Variants in PARVA observed in about 807,000 individuals in gnomAD.
The protein encoded by PARVA is parvin alpha, also known as alpha-parvin.
Under a neutral mutation model 52.6 loss-of-function variants are expected in PARVA, and 25 were observed. The ratio of observed to expected loss-of-function variants is 0.48; its 90% confidence interval spans 0.35 to 0.66. The LOEUF is 0.66. PARVA is among the 30% of genes least tolerant of loss of function. The pLI, the probability that PARVA is intolerant of heterozygous loss-of-function variation, is 0.01. For synonymous variants in PARVA, 185 were observed against 179.1 expected, an observed-to-expected ratio of 1.03 and a Z score of -0.26; for missense variants, 373 against 450.9, an observed-to-expected ratio of 0.83 and a Z score of 1.56.
At chr11:12,497,849 A>T (rs185371503) in intron 5 of PARVA, among the ~76,000 whole-genome samples, 2 of 152,170 alleles carry the variant, frequency 1.3e-5, no homozygotes. Flanking sequence ...AATCCACAAT[A>T]GTCATAAACA....
intron 1 of PARVA, among the ~76,000 whole-genome samples, chr11:12,381,825 A>G (rs10219317): frequency 4.6e-5 from 7 of 152,330 alleles, no homozygotes; most frequent in African/African-American, 1.2e-4. Flanking sequence ...CCACAGCTGC[A>G]CACCTCAACC....
chr11:12,384,672 T>C (rs1411231907), intron 1 of PARVA, among the ~76,000 whole-genome samples: 2 of 152,220 alleles, frequency 1.3e-5, no homozygotes, highest in Non-Finnish European at 2.9e-5. Flanking sequence ...TATGTATATC[T>C]TGGAAAATAA....
chr11:12,429,197 T>C (rs1441468340), intron 1 of PARVA, among the ~76,000 whole-genome samples: 1 of 152,134 alleles, frequency 6.6e-6, no homozygotes, highest in Non-Finnish European at 1.5e-5. Flanking sequence ...CCCAGACTGG[T>C]CTTGAACTCC....
intron 12 of PARVA, among the ~76,000 whole-genome samples, chr11:12,523,153 G>A (rs1941659586): frequency 6.6e-6 from 1 of 152,086 alleles, no homozygotes; most frequent in East Asian, 1.9e-4. Context: ...AAAGCAAATG[G>A]CAAACTCACC....
chr11:12,386,025 C>T (rs577403716), intron 1 of PARVA, among the ~76,000 whole-genome samples: 3 of 152,266 alleles, frequency 2.0e-5, no homozygotes, highest in South Asian at 2.1e-4. Context: ...CTGGATTGTT[C>T]GTTCATTTTC....
intron 10 of PARVA, among the ~76,000 whole-genome samples, chr11:12,517,075 C>A (rs1309437817): frequency 6.6e-6 from 1 of 152,056 alleles, no homozygotes; most frequent in Non-Finnish European, 1.5e-5. Flanking sequence ...TTGGACATCA[C>A]CTCCCCCTCC....
At chr11:12,508,118 A>C (rs1233638603) in intron 6 of PARVA, among the ~76,000 whole-genome samples, 5 of 124,780 alleles carry the variant, frequency 4.0e-5, no homozygotes, top group African/African-American at 1.1e-4. Context: ...AAAAAAAAAA[A>C]AAAACCAAAA....
chr11:12,518,952 G>A (rs1564869729), intron 12 of PARVA, among the ~76,000 whole-genome samples: 1 of 152,198 alleles, frequency 6.6e-6, no homozygotes, highest in Non-Finnish European at 1.5e-5. Flanking sequence ...TCTGTCTGAG[G>A]ACAGGCCATG....
At chr11:12,447,030 A>C (rs1194007861) in intron 1 of PARVA, among the ~76,000 whole-genome samples, 1 of 152,172 alleles carries the variant, frequency 6.6e-6, no homozygotes, top group Non-Finnish European at 1.5e-5. Flanking sequence ...TCTATGTCCT[A>C]AATGTGACTG....
At chr11:12,521,773 C>T (rs533475767) in intron 12 of PARVA, among the ~76,000 whole-genome samples, 1 of 152,238 alleles carries the variant, frequency 6.6e-6, no homozygotes, top group African/African-American at 2.4e-5. Context: ...CTCACCCAAC[C>T]ATTGCTGGCT....
chr11:12,410,835 C>T (rs563180616), intron 1 of PARVA, among the ~76,000 whole-genome samples: 28 of 152,174 alleles, frequency 1.8e-4, no homozygotes, highest in Admixed American at 1.4e-3. Flanking sequence ...AATAAAGTAT[C>T]GCATGGAATG....
intron 1 of PARVA, among the ~76,000 whole-genome samples, chr11:12,473,126 C>T (rs1346338627): frequency 6.6e-6 from 1 of 152,066 alleles, no homozygotes; most frequent in Non-Finnish European, 1.5e-5. Context: ...AGTGCCTGGC[C>T]CCAGGTCCCA....
intron 1 of PARVA, among the ~76,000 whole-genome samples, chr11:12,450,079 A>G (rs1267612189): frequency 6.6e-6 from 1 of 152,228 alleles, no homozygotes; most frequent in African/African-American, 2.4e-5. Context: ...ACTGATCATT[A>G]TGGGAAAATT....
chr11:12,518,420 A>G (rs745683650), intron 11 of PARVA, 25 bp from the exon 12 acceptor site: 98 of 1,592,418 alleles, frequency 6.2e-5, no homozygotes, highest in Non-Finnish European at 8.1e-5. Flanking sequence ...GCAATGGTAC[A>G]TGCTGTCTGC....
chr11:12,495,253 G>A (rs1941285277), intron 4 of PARVA, among the ~76,000 whole-genome samples: 1 of 152,156 alleles, frequency 6.6e-6, no homozygotes. Context: ...GTCCTACTGA[G>A]GTGCTTAAAA....
intron 12 of PARVA, among the ~76,000 whole-genome samples, chr11:12,523,822 A>T (rs10500758): frequency 6.6e-6 from 1 of 152,200 alleles, no homozygotes; most frequent in Non-Finnish European, 1.5e-5. Flanking sequence ...TGAGTTGCTA[A>T]TCACACAATT....
intron 1 of PARVA, among the ~76,000 whole-genome samples, chr11:12,390,914 T>C (rs1414232328): frequency 2.6e-5 from 4 of 152,006 alleles, no homozygotes; most frequent in Non-Finnish European, 5.9e-5. Context: ...GCTCTCAGGA[T>C]ACAGGCAAGT....
chr11:12,534,703 T>G lies in PARVA; in HGVS notation c.*6778T>G, dbSNP rs1367284675. Among the ~76,000 whole-genome samples the G allele has an allele frequency of 6.6e-6, 1 of 152,234 alleles. No homozygotes were observed. The highest frequency in any genetic ancestry group is 2.4e-5 in the African/African-American group (1 of 41,464). The stretch of plus-strand genomic sequence containing the variant: ...CAGGACAATAGATAAATATTTAATC[T>G]GTTACATGTTTGCTCTGTGTGGAGC... On this transcript the variant is annotated 3_prime_UTR_variant, in exon 13 of 13. Transcript: ENST00000334956.
At chr11:12,431,099 A>G (rs945328949) in intron 1 of PARVA, among the ~76,000 whole-genome samples, 20 of 152,176 alleles carry the variant, frequency 1.3e-4, no homozygotes, top group Non-Finnish European at 2.6e-4. Context: ...CCCTGCTCCC[A>G]GGGCTGACTC....
Sources: gnomAD v4.1 joint callset for allele counts (sites outside exome capture counted in the v4.1 genomes callset) on GRCh38, gnomAD v4.1.1 for gene constraint, MANE v1.5 for transcripts, NCBI Gene and HGNC (gene_info 2026-07-23, HGNC 2026-07-21) for gene names.